VPS13D: variants seen among roughly 807,000 people sequenced by gnomAD.
The protein encoded by VPS13D is intermembrane lipid transfer protein VPS13D.
Under a neutral mutation model 461.9 loss-of-function variants are expected in VPS13D, and 187 were observed. The ratio of observed to expected loss-of-function variants is 0.40; its 90% CI spans 0.36 to 0.46. The LOEUF (loss-of-function observed/expected upper bound fraction) is 0.46, where lower values mean the gene tolerates loss of function less well. Ranked by LOEUF, VPS13D falls within the 20% of genes least tolerant of loss-of-function variation. The pLI, the probability that VPS13D is intolerant of heterozygous loss-of-function variation, is 0.60. For synonymous variants in VPS13D, 1,951 were observed against 1,986.3 expected, an observed-to-expected ratio of 0.98 and a Z score of 0.47; for missense variants, 4,711 against 5,364.9, an observed-to-expected ratio of 0.88 and a Z score of 3.81.
chr1:12,393,878 A>G (rs1287275451), intron 60 of VPS13D, among the ~76,000 whole-genome samples: 1 of 152,118 alleles, frequency 6.6e-6, no homozygotes, highest in Non-Finnish European at 1.5e-5. Flanking sequence ...GACCCACTGG[A>G]CCCACTGTAA....
intron 57 of VPS13D, 52 bp downstream of exon 57, chr1:12,379,648 G>T: frequency 7.2e-7 from 1 of 1,381,126 alleles, no homozygotes; most frequent in South Asian, 1.2e-5. Context: ...AGCCTTCTTT[G>T]AAACAAAGTC....
At chr1:12,354,748 T>C (rs1452687641) in intron 47 of VPS13D, among the ~76,000 whole-genome samples, 2 of 152,210 alleles carry the variant, frequency 1.3e-5, no homozygotes, top group African/African-American at 4.8e-5. Context: ...AAGCACTCAC[T>C]CTATTCCAGG....
At position 12,311,921 on chromosome 1, in the gene VPS13D, G is replaced by A. The variant is rs1176449930; in HGVS notation, c.6931G>A (p.Ala2311Thr). ...PKRKEGAGSLARFDFKKCKLL... is the reference protein window; with the variant it reads ...PKRKEGAGSLTRFDFKKCKLL... ...AAGAAAAGAAGGTGCTGGGTCCCTAGCCAGGTATGCCTTTGATTATATTAT... is the reference window on the plus strand; with the variant it reads ...AAGAAAAGAAGGTGCTGGGTCCCTAACCAGGTATGCCTTTGATTATATTAT... The change falls in exon 29 of 70, where the codon GCC becomes ACC. Residue 2311 changes from alanine (A) to threonine (T), a missense_variant. By Grantham distance (58) the Ala-to-Thr change is moderately conservative. Transcript: ENST00000620676. The A allele has an allele frequency of 1.2e-6, 2 of 1,610,830 alleles. No homozygotes were observed. The highest frequency in any genetic ancestry group is 8.5e-7 in the Non-Finnish European group (1 of 1,177,442).
At chr1:12,410,785 T>A (rs1644716687) in intron 63 of VPS13D, among the ~76,000 whole-genome samples, 2 of 152,214 alleles carry the variant, frequency 1.3e-5, no homozygotes, top group Admixed American at 1.3e-4. Context: ...ATAACCAAAT[T>A]GGATTTTTTC....
At chr1:12,253,125 T>C (rs1291171023) in intron 6 of VPS13D, among the ~76,000 whole-genome samples, 1 of 145,326 alleles carries the variant, frequency 6.9e-6, no homozygotes, top group African/African-American at 2.6e-5. Flanking sequence ...GCCGTTGTAC[T>C]CCAGCCTGGG....
intron 60 of VPS13D, among the ~76,000 whole-genome samples, chr1:12,389,560 T>G (rs550402092): frequency 5.9e-5 from 9 of 152,358 alleles, no homozygotes; most frequent in African/African-American, 2.2e-4. Context: ...AGATATTTTC[T>G]TAGTACAAGT....
chr1:12,389,952 G>A (rs1644402197), intron 60 of VPS13D, among the ~76,000 whole-genome samples: 2 of 152,196 alleles, frequency 1.3e-5, no homozygotes, highest in Admixed American at 1.3e-4. Flanking sequence ...ATTTCATCTT[G>A]ATAATCTGGG....
chr1:12,442,149 A>C (rs1645138967), intron 65 of VPS13D, among the ~76,000 whole-genome samples: 1 of 152,242 alleles, frequency 6.6e-6, no homozygotes, highest in African/African-American at 2.4e-5. Flanking sequence ...AGATCTCTAA[A>C]ACAACACTAT....
chr1:12,285,979 TTTCC>T (rs1641959081), intron 21 of VPS13D, among the ~76,000 whole-genome samples: 4 of 115,108 alleles, frequency 3.5e-5, no homozygotes, highest in African/African-American at 1.1e-4. Context: ...TTTCCTTTCC[TTTCC>T]TTTCCTTTCC....
At chr1:12,419,185 G>T (rs1388981148) in intron 65 of VPS13D, among the ~76,000 whole-genome samples, 1 of 152,146 alleles carries the variant, frequency 6.6e-6, no homozygotes, top group Non-Finnish European at 1.5e-5. Context: ...ATTTGATTTG[G>T]TATCATGCTT....
intron 65 of VPS13D, among the ~76,000 whole-genome samples, chr1:12,435,034 G>A (rs962226415): frequency 6.6e-6 from 1 of 152,188 alleles, no homozygotes; most frequent in African/African-American, 2.4e-5. Context: ...AGTTAACTTA[G>A]CCCTGCGGAA....
At position 12,279,268 on chromosome 1, in the gene VPS13D, A is replaced by G. The variant is rs1254939066; in HGVS notation, c.4451-231A>G. Among the ~76,000 whole-genome samples, 1 of 152,070 alleles carries G rather than the reference A, an allele frequency of 6.6e-6. No homozygotes were observed. The highest frequency in any genetic ancestry group is 6.5e-5 in the Admixed American group (1 of 15,272). On this transcript the variant is annotated intron_variant, in intron 19 of 69. Transcript: ENST00000620676. This position sits in a 1 kb window ranked among gnomAD's most constrained non-coding sequence, Gnocchi z 4.3. ...ACCAAGTGGAGCATGTGATGAAAAT[A>G]TTGTTTCTTTTTTTGTGTAAATGTA...
chr1:12,230,685 T>C (rs1382838481), intron 1 of VPS13D, among the ~76,000 whole-genome samples: 1 of 151,856 alleles, frequency 6.6e-6, no homozygotes, highest in Non-Finnish European at 1.5e-5. Flanking sequence ...AAAACCTCTC[T>C]TTACCTTTTG....
In VPS13D at chr1:12,271,038, G is replaced by C. The variant is rs147118456; in HGVS notation, c.2017G>C (p.Ala673Pro). 3 of 1,613,930 alleles carry C rather than the reference G, an allele frequency of 1.9e-6. No individual in the cohort carries two copies. Among genetic ancestry groups the C allele is most frequent in the Non-Finnish European group, 2.5e-6 (3 of 1,179,894 alleles). The change falls in exon 17 of 70, where the codon GCC becomes CCC. Residue 673 changes from alanine to proline, a missense_variant. Coordinates refer to ENST00000620676, the MANE Select transcript of VPS13D (RefSeq NM_015378.4). ...ACTTGAGCTGAGAGTGGCTGAAGCT[G>C]CCCGAAGACAATATAACAAGCTGAA... is the stretch of plus-strand genomic sequence containing the variant. ...SELELRVAEA[A>P]RRQYNKLKMQ...
At chr1:12,382,873 A>G (rs1644301500) in intron 57 of VPS13D, 103 bp from the exon 58 acceptor site, 1 of 1,083,796 alleles carries the variant, frequency 9.2e-7, no homozygotes, top group African/African-American at 1.6e-5. Context: ...ATGACCCTCC[A>G]GAGGAGAATG....
chr1:12,479,945 A>T (rs1303038045), intron 67 of VPS13D, among the ~76,000 whole-genome samples: 1 of 152,134 alleles, frequency 6.6e-6, no homozygotes, highest in African/African-American at 2.4e-5. Flanking sequence ...AGTGTGAGGG[A>T]TATACTATAG....
At chr1:12,458,140 AG>A (rs1645354584) in intron 66 of VPS13D, among the ~76,000 whole-genome samples, 1 of 152,228 alleles carries the variant, frequency 6.6e-6, no homozygotes, top group Non-Finnish European at 1.5e-5. Flanking sequence ...CAGCCTCTCC[AG>A]GAGCCAATGG....
At position 12,335,830 on chromosome 1, in the gene VPS13D, A is replaced by T. The variant is rs1643437159; in HGVS notation, c.8551+3A>T. 6.2e-7 allele frequency: 1 copy of T among 1,614,002 alleles called. No homozygotes were observed. The highest frequency in any genetic ancestry group is 8.5e-7 in the Non-Finnish European group (1 of 1,179,962). ...GGATCCTCCATGTTTTGGACAAAGT[A>T]AGAGTTTTCACTACATGTGTTTAAC... On this transcript the variant is annotated splice_donor_region_variant and intron_variant, in intron 39 of 69. Coordinates refer to ENST00000620676, the MANE Select transcript of VPS13D (RefSeq NM_015378.4).
chr1:12,481,296 A>C (rs1377701834), intron 67 of VPS13D, among the ~76,000 whole-genome samples: 2 of 152,146 alleles, frequency 1.3e-5, no homozygotes, highest in Non-Finnish European at 2.9e-5. Context: ...AAAGGCACAT[A>C]GTGTAGTGTG....
Sources: gnomAD v4.1 joint callset for allele counts (sites outside exome capture counted in the v4.1 genomes callset) on GRCh38, gnomAD v4.1.1 for gene constraint, Gnocchi (gnomAD v3.1) non-coding constraint, MANE v1.5 for transcripts, NCBI Gene and HGNC (gene_info 2026-07-23, HGNC 2026-07-21) for gene names.